PTPRD: variants seen among roughly 807,000 people sequenced by gnomAD.
PTPRD encodes receptor-type tyrosine-protein phosphatase delta.
PTPRD carries 34 observed loss-of-function variants against 214.5 expected under a neutral mutation model. That is an observed-to-expected ratio of 0.16 (90% CI 0.12 to 0.21). The LOEUF (loss-of-function observed/expected upper bound fraction) is 0.21, where lower values mean the gene tolerates loss of function less well. Among genes scored for constraint, PTPRD ranks in the 10% least tolerant of loss-of-function variants. The pLI is 1.00. For missense variants in PTPRD, 2,545 were observed against 2,398.7 expected (o/e 1.06, Z -1.27); for synonymous variants, 1,128 against 845.7 (o/e 1.33, Z -5.79).
intron 14 of PTPRD, among the ~76,000 whole-genome samples, chr9:8,597,249 T>C (rs1594870321): frequency 6.6e-6 from 1 of 152,114 alleles, no homozygotes; most frequent in Non-Finnish European, 1.5e-5. Flanking sequence ...TTCTAGTTAA[T>C]AGCCTCAAAA....
chr9:9,657,843 A>G (rs992049747), intron 7 of PTPRD, among the ~76,000 whole-genome samples: 18 of 152,314 alleles, frequency 1.2e-4, no homozygotes, highest in Admixed American at 1.0e-3. Flanking sequence ...ACAAATGGAC[A>G]AAACCTCCAT....
chr9:10,478,900 A>T (rs1157455534), intron 2 of PTPRD, among the ~76,000 whole-genome samples: 1 of 151,980 alleles, frequency 6.6e-6, no homozygotes, highest in Non-Finnish European at 1.5e-5. Context: ...TCTTGAAATG[A>T]AATTTCAAAC....
chr9:10,138,922 C>A (rs1307492378), intron 3 of PTPRD, among the ~76,000 whole-genome samples: 1 of 152,044 alleles, frequency 6.6e-6, no homozygotes, highest in Non-Finnish European at 1.5e-5. Flanking sequence ...CCATCTATGA[C>A]AAACCTATAG....
At chr9:9,717,824 A>T (rs1297242844) in intron 7 of PTPRD, among the ~76,000 whole-genome samples, 1 of 152,230 alleles carries the variant, frequency 6.6e-6, no homozygotes, top group South Asian at 2.1e-4. Flanking sequence ...ATATGGGAAC[A>T]TACAAACCAC....
intron 5 of PTPRD, among the ~76,000 whole-genome samples, chr9:9,932,497 T>A (rs1339904988): frequency 7.4e-6 from 1 of 134,238 alleles, no homozygotes; most frequent in Non-Finnish European, 1.6e-5. Context: ...ATGAAATGAA[T>A]GAAATGAAGC....
At chr9:10,432,309 A>T in intron 2 of PTPRD, among the ~76,000 whole-genome samples, 1 of 117,718 alleles carries the variant, frequency 8.5e-6, no homozygotes, top group Non-Finnish European at 1.7e-5. Context: ...GGGGGGAGGG[A>T]TAGCATTGGG....
chr9:9,108,590 G>C (rs2099801962), intron 10 of PTPRD, among the ~76,000 whole-genome samples: 1 of 152,066 alleles, frequency 6.6e-6, no homozygotes, highest in East Asian at 1.9e-4. Context: ...TATAACACTT[G>C]GCTTTTATGG....
intron 9 of PTPRD, among the ~76,000 whole-genome samples, chr9:9,250,411 G>C (rs1038857223): frequency 6.6e-6 from 1 of 152,096 alleles, no homozygotes; most frequent in African/African-American, 2.4e-5. Flanking sequence ...GAGGGTATAA[G>C]TCAGGCAGCT....
Position 8,500,775 on chromosome 9 carries a change from A to G in PTPRD, c.2107T>C (p.Leu703=), listed in dbSNP as rs2136949407. 1 of 1,614,136 alleles carries G rather than the reference A, an allele frequency of 6.2e-7. No individual in the cohort carries two copies. ...VGPGPESLSV[L]IRTNEDVPSG... ...ATACCATCTTCATTGGTTCGAATCA[A>G]CACGGACAAGCTCTCAGGGCCAGGG... Residue 703 remains leucine, a synonymous_variant, in exon 24 of 46, where the codon TTG becomes CTG. Transcript: ENST00000381196.
At chr9:10,222,607 A>G (rs907645087) in intron 3 of PTPRD, among the ~76,000 whole-genome samples, 2 of 152,090 alleles carry the variant, frequency 1.3e-5, no homozygotes, top group Non-Finnish European at 2.9e-5. Context: ...TATTGTATAA[A>G]TATCCTTAAC....
intron 41 of PTPRD, 111 bp downstream of exon 41, chr9:8,340,979 C>A: frequency 9.1e-7 from 1 of 1,098,052 alleles, no homozygotes; most frequent in Non-Finnish European, 1.3e-6. Flanking sequence ...AAATGATGAC[C>A]TATGCAGAAA....
chr9:9,582,965 T>C (rs1447024436), intron 7 of PTPRD, among the ~76,000 whole-genome samples: 3 of 152,070 alleles, frequency 2.0e-5, no homozygotes, highest in African/African-American at 7.2e-5. Context: ...TTGAAAGTCA[T>C]TTGAAAGTTT....
In PTPRD at chr9:8,316,926, T is replaced by G; in HGVS notation, c.*948A>C. On this transcript the variant is annotated 3_prime_UTR_variant, in exon 46 of 46. Transcript: ENST00000381196. ...CTGATAACTGTATCTATTTTTTGTGTGGACACACTGTCTATATATACATAG... is the reference window on the plus strand; with the variant it reads ...CTGATAACTGTATCTATTTTTTGTGGGGACACACTGTCTATATATACATAG... 1 of 231,512 alleles carries G rather than the reference T, an allele frequency of 4.3e-6. No individual in the cohort carries two copies. The highest frequency in any genetic ancestry group is 1.8e-4 in the South Asian group (1 of 5,520). The allele number at this position is 231,512 out of a possible 1,614,324, so 14.3% of individuals were successfully genotyped here.
At chr9:10,037,716 T>C (rs536927342) in intron 3 of PTPRD, among the ~76,000 whole-genome samples, 4 of 152,258 alleles carry the variant, frequency 2.6e-5, no homozygotes, top group Admixed American at 6.5e-5. Context: ...TTCGTTTTCT[T>C]GGAAAAGATG....
intron 14 of PTPRD, among the ~76,000 whole-genome samples, chr9:8,556,754 A>T (rs1344393454): frequency 3.3e-5 from 5 of 152,062 alleles, no homozygotes; most frequent in East Asian, 1.9e-4. Context: ...AGGTAAAAAA[A>T]GTGTAAGAAT....
At chr9:9,632,371 A>AC (rs36115444) in intron 7 of PTPRD, among the ~76,000 whole-genome samples, 31,705 of 152,074 alleles carry the variant, frequency 0.21, 4,223 homozygotes, top group African/African-American at 0.38. Context: ...GCAAATCTTT[A>AC]AAGTAGAAAG....
chr9:8,710,216 A>C (rs2098301263), intron 12 of PTPRD, among the ~76,000 whole-genome samples: 1 of 152,200 alleles, frequency 6.6e-6, no homozygotes, highest in African/African-American at 2.4e-5. Flanking sequence ...AACCCTTTGC[A>C]AGAAAGCAAA....
chr9:9,053,146 A>G (rs1213671639), intron 10 of PTPRD, among the ~76,000 whole-genome samples: 1 of 152,192 alleles, frequency 6.6e-6, no homozygotes, highest in East Asian at 1.9e-4. Flanking sequence ...AACATGTATT[A>G]GGTTGAATGT....
At chr9:9,821,411 C>A (rs10115433) in intron 5 of PTPRD, among the ~76,000 whole-genome samples, 4,220 of 152,204 alleles carry the variant, frequency 0.028, 67 homozygotes, top group Middle Eastern at 0.055. Flanking sequence ...CTCTAGTCAA[C>A]TTTTAGCCTA....
Sources: gnomAD v4.1 joint callset for allele counts (sites outside exome capture counted in the v4.1 genomes callset) on GRCh38, gnomAD v4.1.1 for gene constraint, MANE v1.5 for transcripts, NCBI Gene and HGNC (gene_info 2026-07-23, HGNC 2026-07-21) for gene names.